LILRB1: variants seen among roughly 807,000 people sequenced by gnomAD.
LILRB1 encodes the protein leukocyte immunoglobulin like receptor B1, also known as leukocyte immunoglobulin-like receptor subfamily B member 1.
LILRB1 carries 59 observed loss-of-function variants against 74.6 expected under a neutral mutation model. The ratio of observed to expected loss-of-function variants is 0.79; its 90% confidence interval spans 0.64 to 0.98. The LOEUF (loss-of-function observed/expected upper bound fraction) is 0.98. Among genes scored for constraint, LILRB1 ranks in the 50% least tolerant of loss-of-function variants. The pLI, the probability that LILRB1 is intolerant of heterozygous loss-of-function variation, is 0.00. For missense variants in LILRB1, 804 were observed against 822.6 expected (o/e 0.98, Z 0.28); for synonymous variants, 328 against 333.9 (o/e 0.98, Z 0.19).
At chr19:54,627,687 C>T (rs376706078), upstream of LILRB1, among the ~76,000 whole-genome samples, 1 of 152,218 alleles carries the variant, frequency 6.6e-6, no homozygotes, top group Non-Finnish European at 1.5e-5. Context: ...TTCTAAGCAG[C>T]TCTGTCAGCC....
Position 54,634,457 on chromosome 19 carries a change from G to A in LILRB1, c.1364-184G>A, listed in dbSNP as rs895714015. The A allele has an allele frequency of 2.0e-6, 3 of 1,514,226 alleles. No individual in the cohort carries two copies. The African/African-American group carries it at 4.2e-5, about 21-fold the overall frequency. 93.8% of individuals were successfully genotyped at this position (1,514,226 alleles called of 1,614,324 possible). ...TGCCGCTTCCTGGCTGGGGGCCCCG[G>A]GCAGGCGATTCCCCTCTCTGAGCGT... On this transcript the variant is annotated intron_variant, in intron 9 of 14. Transcript: ENST00000324602.
chr19:54,630,590 G>T lies in LILRB1; in HGVS notation c.-92G>T, dbSNP rs924721190. ...GAGTCTGCCTGCAGCATGGACCTGG[G>T]TCTTCCCTGAAGCATCTCCAGGGCT... On this transcript the variant is annotated 5_prime_UTR_variant, in exon 1 of 15. Transcript: ENST00000324602. 5.2e-6 allele frequency: 3 copies of T among 581,464 alleles called. No homozygotes were observed. The African/African-American group carries it at 7.2e-5, about 14-fold the overall frequency. 36.0% of individuals were successfully genotyped at this position (581,464 alleles called of 1,614,324 possible).
chr19:54,626,713 T>C (rs755947789), upstream of LILRB1, among the ~76,000 whole-genome samples: 30 of 152,216 alleles, frequency 2.0e-4, no homozygotes, highest in Non-Finnish European at 4.1e-4. Flanking sequence ...TGTAATGGAC[T>C]TTTTGATTTT....
upstream of LILRB1, among the ~76,000 whole-genome samples, chr19:54,628,952 C>T (rs746566571): frequency 2.6e-5 from 4 of 152,190 alleles, no homozygotes; most frequent in Non-Finnish European, 5.9e-5. Context: ...GAGCCAGGAA[C>T]CGCAGGTGAA....
Position 54,637,099 on chromosome 19 carries a change from TAA to T in LILRB1, c.*222_*223del, listed in dbSNP as rs1208380959. 4.4e-5 allele frequency: 25 copies of T among 566,586 alleles called. No individual in the cohort carries two copies. The highest frequency in any genetic ancestry group is 9.2e-6 in the Non-Finnish European group (3 of 326,328). 35.1% of individuals were successfully genotyped at this position (566,586 alleles called of 1,614,324 possible). ...TAATCAATGAAGTAGCTGAGAAAAC[TAA>T]GTCAGAAAGTGCATTAAACTGAATC... On this transcript the variant is annotated 3_prime_UTR_variant, in exon 15 of 15. Transcript: ENST00000324602.
upstream of LILRB1, among the ~76,000 whole-genome samples, chr19:54,629,315 A>C (rs764591998): frequency 4.6e-5 from 7 of 152,128 alleles, no homozygotes; most frequent in Non-Finnish European, 8.8e-5. Flanking sequence ...AAACAACTCT[A>C]CTGAGAGATC....
upstream of LILRB1, chr19:54,630,459 G>A (rs1327276776): frequency 2.7e-6 from 1 of 368,200 alleles, no homozygotes; most frequent in African/African-American, 2.1e-5. Flanking sequence ...CAAGAAAGAA[G>A]TCAACTTTTC....
In LILRB1 at chr19:54,631,461, G is replaced by A. The variant is rs546100919; in HGVS notation, c.71-39G>A. 29 of 1,598,324 alleles carry A rather than the reference G, an allele frequency of 1.8e-5. No homozygotes were observed. In the African/African-American group the frequency reaches 3.4e-4, roughly 19 times the overall value. ...AGAGCTGGAATCTGCTGGGTTGGGT[G>A]GGAAATGAGTTAGAATCTGACTCCT... On this transcript the variant is annotated intron_variant, in intron 3 of 14. Coordinates refer to ENST00000324602, the MANE Select transcript of LILRB1 (RefSeq NM_001081637.3).
intron 2 of LILRB1, 74 bp downstream of exon 2, chr19:54,631,181 G>T: frequency 6.2e-7 from 1 of 1,613,874 alleles, no homozygotes; most frequent in Non-Finnish European, 8.5e-7. Flanking sequence ...TTGTCCCTAA[G>T]GAGACCCCAG....
At chr19:54,627,984 C>T (rs2063643128), upstream of LILRB1, among the ~76,000 whole-genome samples, 1 of 152,218 alleles carries the variant, frequency 6.6e-6, no homozygotes, top group African/African-American at 2.4e-5. Context: ...AGCAGTTTTG[C>T]TTCGAGAGTA....
chr19:54,635,614 G>T lies in LILRB1; in HGVS notation c.1653+5G>T. 6.2e-7 allele frequency: 1 copy of T among 1,614,016 alleles called. No homozygotes were observed. The highest frequency in any genetic ancestry group is 8.5e-7 in the Non-Finnish European group (1 of 1,180,002). The stretch of plus-strand genomic sequence containing the variant: ...GGGGTGGAGATGGACACTCGGGTGA[G>T]ACCCCACCCCTGTCCCAGGCACCAA... On this transcript the variant is annotated splice_donor_5th_base_variant and intron_variant, in intron 13 of 14. Transcript: ENST00000324602.
At position 54,631,060 on chromosome 19, in the gene LILRB1, T is replaced by C. The variant is rs768056559; in HGVS notation, c.-14T>C. 5.0e-6 allele frequency: 8 copies of C among 1,614,080 alleles called. No homozygotes were observed. The highest frequency in any genetic ancestry group is 1.7e-6 in the Non-Finnish European group (2 of 1,180,022). On this transcript the variant is annotated 5_prime_UTR_variant, in exon 2 of 15. Coordinates refer to ENST00000324602, the MANE Select transcript of LILRB1 (RefSeq NM_001081637.3). Reference sequence around the variant, plus strand: ...CTCATCCATCCACAGAGCAGGGCAGTGGGAGGAGACGCCATGACCCCCATC... The same window carrying C: ...CTCATCCATCCACAGAGCAGGGCAGCGGGAGGAGACGCCATGACCCCCATC...
chr19:54,632,322 G>A, intron 5 of LILRB1, 85 bp downstream of exon 5: 1 of 1,561,170 alleles, frequency 6.4e-7, no homozygotes, highest in Non-Finnish European at 8.7e-7. Flanking sequence ...TTCCAGGTGG[G>A]ATGATGTTGG....
intron 1 of LILRB1, among the ~76,000 whole-genome samples, chr19:54,621,956 T>C (rs2063468985): frequency 6.6e-6 from 1 of 152,198 alleles, no homozygotes; most frequent in Non-Finnish European, 1.5e-5. Flanking sequence ...CCTTTCCCCA[T>C]TGTTTACTTT....
intron 1 of LILRB1, among the ~76,000 whole-genome samples, chr19:54,620,420 G>A (rs554415850): frequency 2.6e-5 from 4 of 151,948 alleles, no homozygotes; most frequent in South Asian, 2.1e-4. Context: ...GTGCAGTGGC[G>A]TGATTTCGGC....
chr19:54,617,625 G>C (rs12610058), intron 1 of LILRB1, among the ~76,000 whole-genome samples: 102,849 of 151,018 alleles, frequency 0.68, 35,475 homozygotes, highest in South Asian at 0.74. Context: ...TGATAGATTT[G>C]TATAATTTTA....
chr19:54,631,117 G>T lies in LILRB1; in HGVS notation c.34+10G>T, dbSNP rs777551267. 31 of 1,613,948 alleles carry T rather than the reference G, an allele frequency of 1.9e-5. No homozygotes were observed. The highest frequency in any genetic ancestry group is 2.7e-5 in the African/African-American group (2 of 74,894). Reference sequence around the variant, plus strand: ...GTCCTGATCTGTCTCGGTGAGATTTGAAGAAGGAGGGGAGCTTCTAACCTA... The same window carrying T: ...GTCCTGATCTGTCTCGGTGAGATTTTAAGAAGGAGGGGAGCTTCTAACCTA... On this transcript the variant is annotated intron_variant, in intron 2 of 14. Coordinates refer to ENST00000324602, the MANE Select transcript of LILRB1 (RefSeq NM_001081637.3).
chr19:54,618,192 A>T (rs2063364024), intron 1 of LILRB1, among the ~76,000 whole-genome samples: 1 of 151,836 alleles, frequency 6.6e-6, no homozygotes, highest in Non-Finnish European at 1.5e-5. Flanking sequence ...AATCTATAAG[A>T]TGTACTTCTA....
At chr19:54,634,517 T>C in intron 9 of LILRB1, 124 bp from the exon 10 acceptor site, 1 of 1,528,600 alleles carries the variant, frequency 6.5e-7, no homozygotes, top group Non-Finnish European at 8.9e-7. Context: ...GGGGTGGATG[T>C]TTCTGTGCTG....
Sources: allele counts gnomAD v4.1 joint callset (sites outside exome capture counted in the v4.1 genomes callset), GRCh38; gene constraint gnomAD v4.1.1; transcripts MANE v1.5; gene names NCBI Gene and HGNC (gene_info 2026-07-23, HGNC 2026-07-21).